The following PDCD1LG2 variants were observed in gnomAD, a reference collection of about 807,000 sequenced individuals.
PDCD1LG2 encodes the protein programmed cell death 1 ligand 2.
In PDCD1LG2, 32 loss-of-function variants were observed where a neutral mutation model predicts 28.2. The observed-to-expected ratio is 1.13, with a 90% CI of 0.86 to 1.52. The LOEUF is 1.52. PDCD1LG2 is among the 40% of genes most tolerant of loss of function. The probability of loss-of-function intolerance (pLI) is 0.00; values close to 1 mark genes in which losing one functional copy is unlikely to be tolerated. For synonymous variants in PDCD1LG2, 116 were observed against 120.2 expected (o/e 0.97, Z 0.23); for missense variants, 385 against 323.8 (o/e 1.19, Z -1.45).
In PDCD1LG2 at chr9:5,534,852, A is replaced by G. The variant is rs373050561; in HGVS notation, c.163A>G (p.Ile55Val). Residue 55 changes from isoleucine (I) to valine (V), a missense_variant, in exon 3 of 7, where the codon ATA (isoleucine) becomes GTA (valine). Transcript: ENST00000397747. The part of the protein sequence containing the change: ...DTGSHVNLGA[I>V]TASLQKVEND... ...TGGAAGTCATGTGAACCTTGGAGCA[A>G]TAACAGCCAGTTTGCAAAAGGTGGA... The G allele has an allele frequency of 3.1e-6, 5 of 1,614,222 alleles. No individual in the cohort carries two copies. In the Admixed American group the frequency reaches 6.7e-5, roughly 22 times the overall value.
At chr9:5,562,211 A>G (rs1024628409) in intron 5 of PDCD1LG2, among the ~76,000 whole-genome samples, 2 of 152,226 alleles carry the variant, frequency 1.3e-5, no homozygotes, top group Admixed American at 1.3e-4. Flanking sequence ...AAACCTATTC[A>G]TGATTGCAAA....
At chr9:5,543,830 A>G in intron 3 of PDCD1LG2, among the ~76,000 whole-genome samples, 1 of 141,216 alleles carries the variant, frequency 7.1e-6, no homozygotes, top group Non-Finnish European at 1.5e-5. Flanking sequence ...TAAAGAAAGA[A>G]ATTATTTTAA....
intron 3 of PDCD1LG2, among the ~76,000 whole-genome samples, chr9:5,545,725 T>A (rs1816190561): frequency 6.6e-6 from 1 of 152,010 alleles, no homozygotes; most frequent in Non-Finnish European, 1.5e-5. Context: ...GAACAAACAA[T>A]TAAGAAAATA....
chr9:5,560,161 T>C (rs1224865666), intron 5 of PDCD1LG2, among the ~76,000 whole-genome samples: 1 of 152,258 alleles, frequency 6.6e-6, no homozygotes, highest in Non-Finnish European at 1.5e-5. Context: ...GTCTAGGATC[T>C]GTTTTAATAG....
At chr9:5,518,016 C>G (rs1222534693) in intron 1 of PDCD1LG2, among the ~76,000 whole-genome samples, 5 of 152,126 alleles carry the variant, frequency 3.3e-5, no homozygotes, top group Non-Finnish European at 5.9e-5. Flanking sequence ...AAAAAGTATC[C>G]AGGAGGGAGA....
At chr9:5,517,245 T>C (rs1820184900) in intron 1 of PDCD1LG2, among the ~76,000 whole-genome samples, 1 of 152,130 alleles carries the variant, frequency 6.6e-6, no homozygotes, top group South Asian at 2.1e-4. Flanking sequence ...GAAAAAACAA[T>C]GAAAGTGTCC....
At chr9:5,514,012 C>A (rs888337086) in intron 1 of PDCD1LG2, among the ~76,000 whole-genome samples, 1 of 152,158 alleles carries the variant, frequency 6.6e-6, no homozygotes, top group Admixed American at 6.5e-5. Flanking sequence ...CATGGATAGC[C>A]GGGCTCTACT....
intron 3 of PDCD1LG2, among the ~76,000 whole-genome samples, chr9:5,538,548 C>T (rs1011591987): frequency 7.9e-5 from 12 of 151,952 alleles, no homozygotes; most frequent in Admixed American, 7.9e-4. Context: ...ATTAGCCGGG[C>T]GCGGTGGCGG....
chr9:5,557,243 T>C lies in PDCD1LG2; in HGVS notation c.632-375T>C, dbSNP rs113933988. Among the ~76,000 whole-genome samples, 121 of 144,226 alleles carry C rather than the reference T, an allele frequency of 8.4e-4. 2 individuals are homozygous for C. Among genetic ancestry groups the C allele is most frequent in the African/African-American group, 3.1e-3 (120 of 38,564 alleles). The allele number at this position is 144,226 out of a possible 152,430, so 94.6% of individuals were successfully genotyped here. ...GAAAAAGAGAAAAAAGAAAGAAAGATGATTAGATGATAGATGGATGGATTG... is the reference window on the plus strand; with the variant it reads ...GAAAAAGAGAAAAAAGAAAGAAAGACGATTAGATGATAGATGGATGGATTG... On this transcript the variant is annotated intron_variant, in intron 4 of 6. Coordinates refer to ENST00000397747, the MANE Select transcript of PDCD1LG2 (RefSeq NM_025239.4).
intron 6 of PDCD1LG2, among the ~76,000 whole-genome samples, chr9:5,565,792 C>A (rs1344987452): frequency 6.6e-6 from 1 of 151,714 alleles, no homozygotes; most frequent in Non-Finnish European, 1.5e-5. Context: ...TGACTAAATA[C>A]TAAAAAACAA....
At chr9:5,557,818 A>G (rs1816477236) in intron 5 of PDCD1LG2, 66 bp downstream of exon 5, 1 of 1,579,772 alleles carries the variant, frequency 6.3e-7, no homozygotes, top group African/African-American at 1.4e-5. Flanking sequence ...ACTGCTTTGC[A>G]CTGCAGGCCT....
chr9:5,530,248 A>T (rs10975161), intron 2 of PDCD1LG2, among the ~76,000 whole-genome samples: 1 of 152,130 alleles, frequency 6.6e-6, no homozygotes, highest in Non-Finnish European at 1.5e-5. Context: ...GGACCTGCAT[A>T]CATGAATTTT....
intron 2 of PDCD1LG2, 145 bp downstream of exon 2, chr9:5,522,746 A>T (rs1820300727): frequency 1.5e-6 from 1 of 654,822 alleles, no homozygotes; most frequent in African/African-American, 1.8e-5. Context: ...CACCACAAAA[A>T]AAAAAAGAGT....
intron 3 of PDCD1LG2, among the ~76,000 whole-genome samples, chr9:5,537,724 T>C (rs1286656946): frequency 6.6e-6 from 1 of 152,170 alleles, no homozygotes; most frequent in Non-Finnish European, 1.5e-5. Flanking sequence ...CACTGGGGAC[T>C]GTTGTGTGGT....
intron 3 of PDCD1LG2, among the ~76,000 whole-genome samples, chr9:5,538,972 T>C (rs1452745047): frequency 6.6e-6 from 1 of 152,190 alleles, no homozygotes; most frequent in Non-Finnish European, 1.5e-5. Flanking sequence ...TTTCTTTGTG[T>C]TGAGAACATT....
chr9:5,522,539 T>C lies in PDCD1LG2; in HGVS notation c.-8T>C, dbSNP rs1223537385. 2 of 1,613,310 alleles carry C rather than the reference T, an allele frequency of 1.2e-6. No individual in the cohort carries two copies. The highest frequency in any genetic ancestry group is 1.7e-5 in the Admixed American group (1 of 59,976). On this transcript the variant is annotated 5_prime_UTR_variant, in exon 2 of 7. Transcript: ENST00000397747. The stretch of plus-strand genomic sequence containing the variant: ...TTTCAATTGTCTATTTCAGATCAAA[T>C]ACAGAACATGATCTTCCTCCTGCTA...
intron 4 of PDCD1LG2, among the ~76,000 whole-genome samples, 158 bp downstream of exon 4, chr9:5,549,762 GC>G (rs1477949682): frequency 2.0e-5 from 3 of 152,208 alleles, no homozygotes; most frequent in African/African-American, 4.8e-5. Flanking sequence ...GAACACTGGG[GC>G]TTCAATGTTG....
intron 6 of PDCD1LG2, among the ~76,000 whole-genome samples, chr9:5,567,586 T>C (rs1194269645): frequency 1.3e-5 from 2 of 152,238 alleles, no homozygotes; most frequent in East Asian, 3.8e-4. Context: ...GTATCCTAGC[T>C]ACCTCATTTC....
rs1015512558 is a variant in PDCD1LG2, at chr9:5,516,408, C to T, written c.-15+5605C>T. On this transcript the variant is annotated intron_variant, in intron 1 of 6. Transcript: ENST00000397747. ...AAGAGTGTGCTGATTGGCCCATGGG[C>T]AGCCATGGAAGGGCCCAGAAAAAGC... Among the ~76,000 whole-genome samples the T allele has an allele frequency of 5.9e-5, 9 of 152,258 alleles. No individual in the cohort carries two copies. The East Asian group carries it at 1.7e-3, about 29-fold the overall frequency.
Sources: allele counts gnomAD v4.1 joint callset (sites outside exome capture counted in the v4.1 genomes callset), GRCh38; gene constraint gnomAD v4.1.1; transcripts MANE v1.5; gene names NCBI Gene and HGNC (gene_info 2026-07-23, HGNC 2026-07-21).